Variants in COL1A1 observed in about 807,000 individuals in gnomAD.
The protein encoded by COL1A1 is collagen alpha-1(I) chain.
A neutral mutation model predicts 195.7 loss-of-function variants in COL1A1; 21 were observed. The ratio of observed to expected loss-of-function variants is 0.11; its 90% CI spans 0.08 to 0.15. The LOEUF (loss-of-function observed/expected upper bound fraction) is 0.15, where lower values mean the gene tolerates loss of function less well. Ranked by LOEUF, COL1A1 falls within the 10% of genes least tolerant of loss-of-function variation. The probability of loss-of-function intolerance (pLI) is 1.00; values close to 1 mark genes in which losing one functional copy is unlikely to be tolerated. For synonymous variants in COL1A1, 749 were observed against 747.3 expected, an observed-to-expected ratio of 1.00 and a Z score of -0.04; for missense variants, 1,365 against 2,051.0, an observed-to-expected ratio of 0.67 and a Z score of 6.46.
chr17:50,187,159 A>C, intron 46 of COL1A1, 37 bp from the exon 47 acceptor site: 1 of 1,508,940 alleles, frequency 6.6e-7, no homozygotes, highest in Non-Finnish European at 9.1e-7. Flanking sequence ...AGGCTGCCAG[A>C]AGCCCGAACA....
In COL1A1 at chr17:50,187,940, T is replaced by C; in HGVS notation, c.3305A>G (p.Gln1102Arg). The C allele has an allele frequency of 6.2e-7, 1 of 1,614,052 alleles. No individual in the cohort carries two copies. Among genetic ancestry groups the C allele is most frequent in the Non-Finnish European group, 8.5e-7 (1 of 1,179,944 alleles). The part of the protein sequence containing the change: ...PRGDKGETGE[Q>R]GDRGIKGHRG... ...GTGACCCTTTATGCCTCTGTCGCCC[T>C]GTTCGCCTGTCTCACCCTTGTCACC... The change falls in exon 45 of 51, where the codon CAG becomes CGG. Residue 1102 changes from glutamine to arginine, a missense_variant. By Grantham distance (43) the Gln-to-Arg change is conservative. Around this residue, in one of 5 missense-constraint regions of COL1A1, gnomAD observed 671 missense variants for 1,099.9 expected, o/e 0.61. Coordinates refer to ENST00000225964, the MANE Select transcript of COL1A1 (RefSeq NM_000088.4).
Position 50,194,070 on chromosome 17 carries a change from T to G in COL1A1, c.1669-29A>C. 2 of 1,607,330 alleles carry G rather than the reference T, an allele frequency of 1.2e-6. No homozygotes were observed. Among genetic ancestry groups the G allele is most frequent in the African/African-American group, 2.7e-5 (2 of 73,284 alleles). On this transcript the variant is annotated intron_variant, in intron 24 of 50. Transcript: ENST00000225964. The surrounding 1 kb of genome is among the most constrained non-coding windows in gnomAD (Gnocchi z 6.8). Reference sequence around the variant, plus strand: ...AGGATGGGAGGCACGAAAGCAGCAGTGAGGACAGCAGGGAGGCAGACAGGA... The same window carrying G: ...AGGATGGGAGGCACGAAAGCAGCAGGGAGGACAGCAGGGAGGCAGACAGGA...
chr17:50,201,261 G>T, intron 1 of COL1A1, 150 bp downstream of exon 1: 1 of 773,540 alleles, frequency 1.3e-6, no homozygotes, highest in Non-Finnish European at 2.2e-6. Context: ...GCTCCCTCCT[G>T]TCTCAGGGCG....
At chr17:50,191,029 C>G in intron 32 of COL1A1, 105 bp from the exon 33 acceptor site, 1 of 1,049,616 alleles carries the variant, frequency 9.5e-7, no homozygotes, top group Non-Finnish European at 1.4e-6. Context: ...CAGCTCTGCC[C>G]TGCCTCCACC....
Position 50,190,956 on chromosome 17 carries a change from T to C in COL1A1, c.2236-32A>G, listed in dbSNP as rs1381725758. 3.1e-6 allele frequency: 5 copies of C among 1,602,004 alleles called. No homozygotes were observed. Among genetic ancestry groups the C allele is most frequent in the Non-Finnish European group, 3.4e-6 (4 of 1,169,416 alleles). ...ACATGGATAAGCTTGAGATTTCCAG[T>C]GTGGGGCAAGGAGGTGACCTATAGT... On this transcript the variant is annotated intron_variant, in intron 32 of 50. Transcript: ENST00000225964. The surrounding 1 kb of genome is among the most constrained non-coding windows in gnomAD (Gnocchi z 4.7).
rs1303628281 is a variant in COL1A1 at position 50,199,738 on chromosome 17, C to T, written c.298+15G>A. 4 of 1,604,034 alleles carry T rather than the reference C, an allele frequency of 2.5e-6. No homozygotes were observed. The highest frequency in any genetic ancestry group is 2.2e-5 in the East Asian group (1 of 44,696). ...GCCCCAGGCCCCAGGCCCCAGGCCCCGAGCGCAGCCGCACCTGAGCCGTCG... is the reference window on the plus strand; with the variant it reads ...GCCCCAGGCCCCAGGCCCCAGGCCCTGAGCGCAGCCGCACCTGAGCCGTCG... On this transcript the variant is annotated intron_variant, in intron 2 of 50. Coordinates refer to ENST00000225964, the MANE Select transcript of COL1A1 (RefSeq NM_000088.4).
chr17:50,201,142 A>G (rs890106604), intron 1 of COL1A1, among the ~76,000 whole-genome samples: 1 of 151,776 alleles, frequency 6.6e-6, no homozygotes, highest in Non-Finnish European at 1.5e-5. Context: ...CCAGATCCCC[A>G]CTTCCCCGGT....
At chr17:50,197,639 G>C in intron 9 of COL1A1, 93 bp downstream of exon 9, 1 of 1,052,732 alleles carries the variant, frequency 9.5e-7, no homozygotes, top group Non-Finnish European at 1.4e-6. Context: ...CTTCCTCTGA[G>C]TATCGTTCCC....
In COL1A1 at chr17:50,186,805, G is replaced by T. The variant is rs763727068; in HGVS notation, c.3649C>A (p.Arg1217=). 6.2e-7 allele frequency: 1 copy of T among 1,614,048 alleles called. No individual in the cohort carries two copies. The highest frequency in any genetic ancestry group is 8.5e-7 in the Non-Finnish European group (1 of 1,180,052). The change falls in exon 48 of 51, where the codon CGG becomes AGG. Residue 1217 remains arginine (R), a synonymous_variant. Transcript: ENST00000225964. This position sits in a 1 kb window ranked among gnomAD's most constrained non-coding sequence, Gnocchi z 5.3. ...CGAACCACATTGGCATCATCAGCCC[G>T]GTAGTAGCGGCCACCATCGTGAGCC... The part of the protein sequence containing the change: ...EKAHDGGRYY[R]ADDANVVRDR...
At position 50,194,849 on chromosome 17, in the gene COL1A1, G is replaced by T; in HGVS notation, c.1354-21C>A. 1 of 1,569,968 alleles carries T rather than the reference G, an allele frequency of 6.4e-7. No homozygotes were observed. ...GGGCCCTGGAGAGGGCCGAGAGGAG[G>T]AGGCGGCCTGTGGTGAGGGGCCATC... On this transcript the variant is annotated intron_variant, in intron 20 of 50. Transcript: ENST00000225964. The surrounding 1 kb of genome is among the most constrained non-coding windows in gnomAD (Gnocchi z 6.8).
At position 50,201,538 on chromosome 17, in the gene COL1A1, CTT is replaced by C; in HGVS notation, c.-27_-26del. 1.9e-6 allele frequency: 3 copies of C among 1,596,070 alleles called. No individual in the cohort carries two copies. Among genetic ancestry groups the C allele is most frequent in the Non-Finnish European group, 2.6e-6 (3 of 1,171,698 alleles). ...TGTCTAGACCCTAGACATGTAGACT[CTT>C]TGTGGCTGGGGAGGGGGTTAGCGTC... On this transcript the variant is annotated 5_prime_UTR_variant, in exon 1 of 51. Transcript: ENST00000225964.
chr17:50,199,980 G>A (rs756358393), intron 1 of COL1A1, 33 bp from the exon 2 acceptor site: 1 of 1,608,924 alleles, frequency 6.2e-7, no homozygotes. Flanking sequence ...GTTGTCAGTA[G>A]TGACTGCAAC....
chr17:50,191,919 C>T (rs1907125135), intron 30 of COL1A1, 33 bp from the exon 31 acceptor site: 1 of 1,606,758 alleles, frequency 6.2e-7, no homozygotes, highest in African/African-American at 1.3e-5. Context: ...GTGAAGGCTG[C>T]TCTGGAGATA....
intron 5 of COL1A1, chr17:50,198,718 A>T (rs1005188430): frequency 1.7e-6 from 1 of 585,100 alleles, no homozygotes; most frequent in Non-Finnish European, 3.1e-6. Context: ...AACTGGACTC[A>T]TCAAAACTCC....
At chr17:50,193,485 T>TTC (rs1468081565) in intron 25 of COL1A1, 75 of 50,916 alleles carry the variant, frequency 1.5e-3, no homozygotes, top group African/African-American at 0.014. Context: ...TTCTTTCTTC[T>TTC]TTTTTTTTTT....
In COL1A1 at chr17:50,193,065, T is replaced by G. The variant is rs767179998; in HGVS notation, c.1768-18A>C. 4.3e-6 allele frequency: 7 copies of G among 1,613,258 alleles called. No homozygotes were observed. Among genetic ancestry groups the G allele is most frequent in the Middle Eastern group, 3.3e-4 (2 of 6,002 alleles). ...GGCTCTCCCTGTGGAGAAAGGGAGT[T>G]AGGGTTGAGGGGGCTGAAGTGAGAA... On this transcript the variant is annotated intron_variant, in intron 25 of 50. Transcript: ENST00000225964.
In COL1A1 at chr17:50,192,027, G is replaced by A. The variant is rs1907143926; in HGVS notation, c.1984-3C>T. On this transcript the variant is annotated splice_polypyrimidine_tract_variant and splice_region_variant and intron_variant, in intron 29 of 50. Transcript: ENST00000225964. ...GCGCCAAGGTCTCCAGGAACACCCT[G>A]AGGGGGAGGGAGAGAGGAACAGACA... The A allele has an allele frequency of 6.2e-7, 1 of 1,612,000 alleles. No individual in the cohort carries two copies. The highest frequency in any genetic ancestry group is 1.3e-5 in the African/African-American group (1 of 74,878).
chr17:50,190,168 G>T lies in COL1A1; in HGVS notation c.2452-60C>A. The stretch of plus-strand genomic sequence containing the variant: ...GGAGGCAGGAGTTTCCACTACCTGG[G>T]GGAGGAGCAGTAATGGAGGCAGGAA... On this transcript the variant is annotated intron_variant, in intron 35 of 50. Coordinates refer to ENST00000225964, the MANE Select transcript of COL1A1 (RefSeq NM_000088.4). The surrounding 1 kb of genome is among the most constrained non-coding windows in gnomAD (Gnocchi z 4.7). 1 of 1,415,720 alleles carries T rather than the reference G, an allele frequency of 7.1e-7. No individual in the cohort carries two copies. The highest frequency in any genetic ancestry group is 1.0e-6 in the Non-Finnish European group (1 of 999,702). 87.7% of individuals were successfully genotyped at this position (1,415,720 alleles called of 1,614,324 possible). A position where few individuals can be genotyped will look rare whatever the true frequency, so the allele number is the denominator to read the frequency against.
rs764128603 is a variant in COL1A1, at chr17:50,192,444, C to T, written c.1983+31G>A. 3.2e-6 allele frequency: 5 copies of T among 1,577,692 alleles called. No homozygotes were observed. In the South Asian group the frequency reaches 4.6e-5, roughly 14 times the overall value. Reference sequence around the variant, plus strand: ...CTGTCCCTCTGGATTCCCTGCATCTCCCACCCCTCTGGCCGGCTGCTCCCT... The same window carrying T: ...CTGTCCCTCTGGATTCCCTGCATCTTCCACCCCTCTGGCCGGCTGCTCCCT... On this transcript the variant is annotated intron_variant, in intron 29 of 50. Transcript: ENST00000225964.
Sources: allele counts gnomAD v4.1 joint callset (sites outside exome capture counted in the v4.1 genomes callset), GRCh38; gene constraint gnomAD v4.1.1; regional missense constraint gnomAD v4.1.1; non-coding constraint Gnocchi (gnomAD v3.1); transcripts MANE v1.5; gene names NCBI Gene and HGNC (gene_info 2026-07-23, HGNC 2026-07-21).